Variants in MAT1A observed in about 807,000 individuals in gnomAD.
The protein encoded by MAT1A is methionine adenosyltransferase 1A.
MAT1A carries 19 observed loss-of-function variants against 44.0 expected under a neutral mutation model. The ratio of observed to expected loss-of-function variants is 0.43; its 90% CI spans 0.30 to 0.63. MAT1A has a LOEUF of 0.63. Among genes scored for constraint, MAT1A ranks in the 30% least tolerant of loss-of-function variants. The pLI, the probability that MAT1A is intolerant of heterozygous loss-of-function variation, is 0.12. For missense variants in MAT1A, 397 were observed against 531.0 expected (o/e 0.75, Z 2.48); for synonymous variants, 205 against 205.6 (o/e 1.00, Z 0.03).
chr10:80,284,968 GA>G (rs1416654129), intron 2 of MAT1A, among the ~76,000 whole-genome samples: 2 of 152,176 alleles, frequency 1.3e-5, no homozygotes, highest in African/African-American at 4.8e-5. Flanking sequence ...TTGATTTATT[GA>G]AAAACAATTG....
Position 80,273,523 on chromosome 10 carries a change from T to A in MAT1A, c.*258A>T. 2 of 491,128 alleles carry A rather than the reference T, an allele frequency of 4.1e-6. No homozygotes were observed. Among genetic ancestry groups the A allele is most frequent in the Non-Finnish European group, 7.5e-6 (2 of 267,862 alleles). 30.4% of individuals were successfully genotyped at this position (491,128 alleles called of 1,614,324 possible). A position where few individuals can be genotyped will look rare whatever the true frequency, so the allele number is the denominator to read the frequency against. Reference sequence around the variant, plus strand: ...CTCTTGACGGGGGTGCCTTTTCCACTAAATTAACATTGCCCCAGTCTGAGG... The same window carrying A: ...CTCTTGACGGGGGTGCCTTTTCCACAAAATTAACATTGCCCCAGTCTGAGG... On this transcript the variant is annotated 3_prime_UTR_variant, in exon 9 of 9. Transcript: ENST00000372213.
intron 5 of MAT1A, among the ~76,000 whole-genome samples, chr10:80,278,363 C>T (rs1477499687): frequency 6.6e-6 from 1 of 151,924 alleles, no homozygotes; most frequent in East Asian, 1.9e-4. Flanking sequence ...CTCTGTTCCT[C>T]TCTCTTGCAC....
chr10:80,283,435 G>A (rs1841595460), intron 3 of MAT1A, among the ~76,000 whole-genome samples: 1 of 152,274 alleles, frequency 6.6e-6, no homozygotes, highest in Admixed American at 6.5e-5. Context: ...ATGATTGCAA[G>A]TAGGTTTAGT....
intron 2 of MAT1A, among the ~76,000 whole-genome samples, chr10:80,284,308 T>C (rs894406308): frequency 5.9e-5 from 9 of 152,202 alleles, no homozygotes; most frequent in African/African-American, 2.2e-4. Flanking sequence ...TTCCCTCATC[T>C]ATTTAATAAA....
rs1407439663 is a variant in MAT1A at position 80,275,206 on chromosome 10, A to G, written c.769-7T>C. ...CAGTGACACCCGCATCCCCCTGCAG[A>G]GGGAGAGAAATCAAGATAAGAAGCA... is the stretch of plus-strand genomic sequence containing the variant. On this transcript the variant is annotated splice_polypyrimidine_tract_variant and splice_region_variant and intron_variant, in intron 6 of 8. Transcript: ENST00000372213. 2 of 1,610,354 alleles carry G rather than the reference A, an allele frequency of 1.2e-6. No individual in the cohort carries two copies. Among genetic ancestry groups the G allele is most frequent in the Admixed American group, 1.7e-5 (1 of 59,870 alleles).
chr10:80,278,976 T>G (rs1841525174), intron 5 of MAT1A, among the ~76,000 whole-genome samples: 1 of 151,930 alleles, frequency 6.6e-6, no homozygotes, highest in South Asian at 2.1e-4. Context: ...AAGGGGACAA[T>G]GAGTGAAATG....
chr10:80,275,736 G>T (rs1010338481), intron 6 of MAT1A, among the ~76,000 whole-genome samples: 1 of 152,224 alleles, frequency 6.6e-6, no homozygotes, highest in Non-Finnish European at 1.5e-5. Flanking sequence ...GAGAAGTCCT[G>T]CAAGAAAAAA....
chr10:80,286,161 C>T lies in MAT1A; in HGVS notation c.92-572G>A, dbSNP rs535305113. Among the ~76,000 whole-genome samples, 22 of 152,288 alleles carry T rather than the reference C, an allele frequency of 1.4e-4. No individual in the cohort carries two copies. The South Asian group carries it at 4.6e-3, about 32-fold the overall frequency. ...GCTCTTCTAGGAGTCTAACGCAACT[C>T]ACACATAAACAAACACACACGCATT... On this transcript the variant is annotated intron_variant, in intron 1 of 8. Coordinates refer to ENST00000372213, the MANE Select transcript of MAT1A (RefSeq NM_000429.3).
At position 80,272,395 on chromosome 10, in the gene MAT1A, ACTGCTCAGGCCCCTTGGGAGCAGACCCG is replaced by A; in HGVS notation, c.*1358_*1385del. On this transcript the variant is annotated 3_prime_UTR_variant, in exon 9 of 9. Transcript: ENST00000372213. ...GTTCCAAGACCTTAGCAGGCCAAGG[ACTGCTCAGGCCCCTTGGGAGCAGACCCG>A]CTCCCCAGACAGTCACCTGGCAAAG... 1 of 152,466 alleles carries A rather than the reference ACTGCTCAGGCCCCTTGGGAGCAGACCCG, an allele frequency of 6.6e-6. No homozygotes were observed. Among genetic ancestry groups the A allele is most frequent in the East Asian group, 1.9e-4 (1 of 5,180 alleles). 9.4% of individuals were successfully genotyped at this position (152,466 alleles called of 1,614,324 possible).
chr10:80,289,498 CTTCT>C lies in MAT1A; in HGVS notation c.-79_-76del. The C allele has an allele frequency of 1.3e-6, 1 of 796,734 alleles. No individual in the cohort carries two copies. 49.4% of individuals were successfully genotyped at this position (796,734 alleles called of 1,614,324 possible). ...TGTGACTTTGCCTGAGTTTTTTTTTCTTCTTCTTCTTCTTCTTTCAACCCAACAG... is the reference window on the plus strand; with the variant it reads ...TGTGACTTTGCCTGAGTTTTTTTTTCTCTTCTTCTTCTTTCAACCCAACAG... On this transcript the variant is annotated 5_prime_UTR_variant, in exon 1 of 9. Coordinates refer to ENST00000372213, the MANE Select transcript of MAT1A (RefSeq NM_000429.3).
chr10:80,287,231 G>C (rs1411617719), intron 1 of MAT1A, among the ~76,000 whole-genome samples: 1 of 152,228 alleles, frequency 6.6e-6, no homozygotes, highest in East Asian at 1.9e-4. Flanking sequence ...AGTCCAGCAG[G>C]GGCTTCCAGA....
At chr10:80,287,780 T>C (rs1311632629) in intron 1 of MAT1A, among the ~76,000 whole-genome samples, 1 of 152,236 alleles carries the variant, frequency 6.6e-6, no homozygotes, top group Non-Finnish European at 1.5e-5. Flanking sequence ...TATACAGTTA[T>C]GCACAATGAA....
rs371208216 is a variant in MAT1A at position 80,278,609 on chromosome 10, C to T, written c.549+1564G>A. Among the ~76,000 whole-genome samples the T allele has an allele frequency of 3.3e-5, 5 of 152,252 alleles. No individual in the cohort carries two copies. In the South Asian group the frequency reaches 6.2e-4, roughly 19 times the overall value. ...AAGGAATGCTGATGGTTCCCATCCC[C>T]ACCTTGGGGGGTCATGTGGATAACA... is the stretch of plus-strand genomic sequence containing the variant. On this transcript the variant is annotated intron_variant, in intron 5 of 8. Coordinates refer to ENST00000372213, the MANE Select transcript of MAT1A (RefSeq NM_000429.3).
chr10:80,280,686 T>C lies in MAT1A; in HGVS notation c.399A>G (p.Gly133=). 2 of 1,613,812 alleles carry C rather than the reference T, an allele frequency of 1.2e-6. No individual in the cohort carries two copies. Among genetic ancestry groups the C allele is most frequent in the Non-Finnish European group, 1.7e-6 (2 of 1,179,716 alleles). ...LDRNEEDVGA[G]DQGLMFGYAT... is the part of the protein sequence containing the mutation. ...ACATGCAGTGCCGAGCTACCTGATC[T>C]CCTGCCCCCACATCCTCCTCATTTC... Residue 133 remains glycine (G), a synonymous_variant, in exon 4 of 9, where the codon GGA becomes GGG. Transcript: ENST00000372213.
At chr10:80,278,085 C>T (rs760308084) in intron 5 of MAT1A, among the ~76,000 whole-genome samples, 8 of 152,206 alleles carry the variant, frequency 5.3e-5, no homozygotes, top group Non-Finnish European at 7.3e-5. Flanking sequence ...CCAGGCTGTT[C>T]GCAGGCCAGC....
In MAT1A at chr10:80,271,984, A is replaced by G. The variant is rs899617342; in HGVS notation, c.*1797T>C. On this transcript the variant is annotated 3_prime_UTR_variant, in exon 9 of 9. Transcript: ENST00000372213. ...GTCGAGTGTGAGCCAAGTTAGAGGA[A>G]CTTGGCCACCTGCAAACCACTCCCT... The G allele has an allele frequency of 2.0e-5, 3 of 152,140 alleles. No individual in the cohort carries two copies. Among genetic ancestry groups the G allele is most frequent in the African/African-American group, 7.2e-5 (3 of 41,438 alleles). The allele number at this position is 152,140 out of a possible 1,614,324, so 9.4% of individuals were successfully genotyped here.
At chr10:80,279,757 G>GCACAGACAGACAA (rs71482772) in intron 5 of MAT1A, among the ~76,000 whole-genome samples, 116,391 of 151,358 alleles carry the variant, frequency 0.77, 45,976 homozygotes, top group East Asian at 0.97. Context: ...CAGACAGACA[G>GCACAGACAGACAA]CACAGACACA....
chr10:80,287,442 T>C (rs1316323821), intron 1 of MAT1A, among the ~76,000 whole-genome samples: 1 of 152,226 alleles, frequency 6.6e-6, no homozygotes. Context: ...GAAAGTCACC[T>C]AGCCTCCATG....
chr10:80,273,661 A>G lies in MAT1A; in HGVS notation c.*120T>C. On this transcript the variant is annotated 3_prime_UTR_variant, in exon 9 of 9. Coordinates refer to ENST00000372213, the MANE Select transcript of MAT1A (RefSeq NM_000429.3). ...TGACAGGACAGGCTAAATGAGAGGG[A>G]CCTGGCTTTGCCCTGAGGGTTGGTG... 3.8e-6 allele frequency: 3 copies of G among 792,130 alleles called. No individual in the cohort carries two copies. The highest frequency in any genetic ancestry group is 6.9e-6 in the Non-Finnish European group (3 of 435,286). 49.1% of individuals were successfully genotyped at this position (792,130 alleles called of 1,614,324 possible). A position where few individuals can be genotyped will look rare whatever the true frequency, so the allele number is the denominator to read the frequency against.
Sources: allele counts gnomAD v4.1 joint callset (sites outside exome capture counted in the v4.1 genomes callset), GRCh38; gene constraint gnomAD v4.1.1; transcripts MANE v1.5; gene names NCBI Gene and HGNC (gene_info 2026-07-23, HGNC 2026-07-21).